Variants in TMEM67 observed in about 807,000 individuals in gnomAD.
TMEM67 encodes the protein transmembrane protein 67.
TMEM67 carries 124 observed loss-of-function variants against 136.6 expected under a neutral mutation model. That is an observed-to-expected ratio of 0.91 (90% CI 0.78 to 1.05). The LOEUF (loss-of-function observed/expected upper bound fraction) is 1.05, where lower values mean the gene tolerates loss of function less well. Ranked by LOEUF, TMEM67 falls within the 50% of genes least tolerant of loss-of-function variation. TMEM67 has a pLI of 0.00. For missense variants in TMEM67, 1,107 were observed against 1,178.4 expected, an observed-to-expected ratio of 0.94 and a Z score of 0.89; for synonymous variants, 364 against 390.5, an observed-to-expected ratio of 0.93 and a Z score of 0.80.
intron 4 of TMEM67, among the ~76,000 whole-genome samples, chr8:93,765,205 T>C (rs1245935451): frequency 6.6e-6 from 1 of 152,214 alleles, no homozygotes; most frequent in Non-Finnish European, 1.5e-5. Flanking sequence ...TATTATTGAT[T>C]AGTTTTACTT....
intron 25 of TMEM67, among the ~76,000 whole-genome samples, chr8:93,809,516 TTATGC>T (rs1359410198): frequency 2.0e-5 from 3 of 152,194 alleles, no homozygotes; most frequent in Non-Finnish European, 2.9e-5. Context: ...AATCCTTGTG[TTATGC>T]TATGATTGTA....
In TMEM67 at chr8:93,793,194, T is replaced by G; in HGVS notation, c.1576-4T>G. 1 of 1,613,268 alleles carries G rather than the reference T, an allele frequency of 6.2e-7. No homozygotes were observed. The highest frequency in any genetic ancestry group is 8.5e-7 in the Non-Finnish European group (1 of 1,179,218). ...AAATTCTCAATTGTTCTTTTGTTTT[T>G]TAGATTGCTTTGGGTGTATTGGGTG... On this transcript the variant is annotated splice_polypyrimidine_tract_variant and splice_region_variant and intron_variant, in intron 15 of 27. Transcript: ENST00000453321.
At chr8:93,786,405 A>G (rs1814105201) in intron 13 of TMEM67, 59 bp downstream of exon 13, 4 of 1,569,206 alleles carry the variant, frequency 2.5e-6, no homozygotes, top group Non-Finnish European at 3.5e-6. Flanking sequence ...AGTGTTTGCC[A>G]GTCATTAGTA....
chr8:93,765,122 T>G (rs1028009932), intron 4 of TMEM67, among the ~76,000 whole-genome samples: 3 of 152,200 alleles, frequency 2.0e-5, no homozygotes, highest in Non-Finnish European at 4.4e-5. Context: ...TCTTGTTAGT[T>G]GAGTGACTTA....
chr8:93,754,894 GAGGCTTCC>G lies in TMEM67; in HGVS notation c.-18_-11del. Reference sequence around the variant, plus strand: ...AGGCTGATGGGGGGCTGGAGGCTGTGAGGCTTCCAGCGTCGGTACCATGGCGACGCGCG... The same window carrying G: ...AGGCTGATGGGGGGCTGGAGGCTGTGAGCGTCGGTACCATGGCGACGCGCG... On this transcript the variant is annotated 5_prime_UTR_variant, in exon 1 of 28. Coordinates refer to ENST00000453321, the MANE Select transcript of TMEM67 (RefSeq NM_153704.6). 1 of 1,608,990 alleles carries G rather than the reference GAGGCTTCC, an allele frequency of 6.2e-7. No individual in the cohort carries two copies. Among genetic ancestry groups the G allele is most frequent in the Non-Finnish European group, 8.5e-7 (1 of 1,176,342 alleles).
Position 93,780,993 on chromosome 8 carries a change from CT to C in TMEM67, c.978+12del. The C allele has an allele frequency of 7.0e-7, 1 of 1,435,756 alleles. No individual in the cohort carries two copies. Among genetic ancestry groups the C allele is most frequent in the African/African-American group, 1.4e-5 (1 of 71,362 alleles). 88.9% of individuals were successfully genotyped at this position (1,435,756 alleles called of 1,614,324 possible). A position where few individuals can be genotyped will look rare whatever the true frequency, so the allele number is the denominator to read the frequency against. ...AAAGGAGAAAACCAGGTAAAAGTGT[CT>C]AATATCATTAGAGGATAACTACATT... On this transcript the variant is annotated intron_variant, in intron 9 of 27. Coordinates refer to ENST00000453321, the MANE Select transcript of TMEM67 (RefSeq NM_153704.6).
the TMEM67 span, among the ~76,000 whole-genome samples, chr8:93,827,579 CTT>C: frequency 5.9e-5 from 8 of 136,442 alleles, no homozygotes; most frequent in African/African-American, 1.4e-4. Context: ...TGTATTTTTT[CTT>C]TTTTTTTTTT....
At position 93,797,425 on chromosome 8, in the gene TMEM67, A is replaced by C; in HGVS notation, c.2055A>C (p.Lys685Asn). ...NEWNEIQTVR[K>N]INSLFQVLTV... The stretch of plus-strand genomic sequence containing the variant: ...GGAATGAAATTCAGACTGTGAGAAA[A>C]ATTAATTCACTCTTTCAAGTACTTA... The change falls in exon 20 of 28, where the codon AAA becomes AAC. Residue 685 changes from lysine (K) to asparagine (N), a missense_variant. By Grantham distance (94) the Lys-to-Asn change is moderately conservative. Transcript: ENST00000453321. 3 of 1,614,006 alleles carry C rather than the reference A, an allele frequency of 1.9e-6. No individual in the cohort carries two copies. In the South Asian group the frequency reaches 3.3e-5, roughly 18 times the overall value.
chr8:93,763,088 A>G (rs1474722544), intron 3 of TMEM67: 1 of 198,370 alleles, frequency 5.0e-6, no homozygotes, highest in East Asian at 2.2e-4. Flanking sequence ...ACACCCAGCT[A>G]ATTTTGTATT....
chr8:93,819,030 C>T, downstream of TMEM67: 1 of 445,400 alleles, frequency 2.2e-6, no homozygotes, highest in South Asian at 1.6e-5. Context: ...GTCTTGAACT[C>T]CTGATCGAGA....
intron 3 of TMEM67, chr8:93,760,000 AT>A (rs1240375810): frequency 2.1e-5 from 32 of 1,496,960 alleles, no homozygotes; most frequent in Non-Finnish European, 2.9e-5. Context: ...ATTTGTGAGT[AT>A]TACTGAGGGA....
intron 3 of TMEM67, chr8:93,763,004 C>T (rs1464425473): frequency 5.1e-6 from 2 of 390,742 alleles, no homozygotes; most frequent in Non-Finnish European, 1.0e-5. Flanking sequence ...CTCACTGCAA[C>T]CTCCACCTAC....
intron 16 of TMEM67, 41 bp from the exon 17 acceptor site, chr8:93,795,368 T>G: frequency 6.6e-7 from 1 of 1,508,194 alleles, no homozygotes; most frequent in Non-Finnish European, 9.2e-7. Context: ...GGTATATACA[T>G]GGAGTCTTAA....
intron 7 of TMEM67, among the ~76,000 whole-genome samples, chr8:93,776,242 A>C (rs763409792): frequency 7.2e-5 from 11 of 152,128 alleles, no homozygotes; most frequent in Admixed American, 2.6e-4. Flanking sequence ...CAGCTTAAGG[A>C]GATTTGGGGC....
chr8:93,831,886 C>T, the TMEM67 span, among the ~76,000 whole-genome samples: 1 of 152,144 alleles, frequency 6.6e-6, no homozygotes, highest in Non-Finnish European at 1.5e-5. Context: ...TCCAAAGCAC[C>T]ATTAACATTA....
intron 27 of TMEM67, among the ~76,000 whole-genome samples, chr8:93,815,681 A>G (rs1353686882): frequency 1.3e-5 from 2 of 152,204 alleles, no homozygotes; most frequent in African/African-American, 4.8e-5. Flanking sequence ...GCTTGATTAT[A>G]CATGGAAGAG....
At chr8:93,829,109 G>A in the TMEM67 span, among the ~76,000 whole-genome samples, 1 of 152,146 alleles carries the variant, frequency 6.6e-6, no homozygotes, top group South Asian at 2.1e-4. Flanking sequence ...ATGTGATGCT[G>A]AGTTGTTGGT....
intron 20 of TMEM67, among the ~76,000 whole-genome samples, chr8:93,798,318 G>C (rs1308405075): frequency 2.0e-5 from 3 of 151,962 alleles, no homozygotes; most frequent in Non-Finnish European, 4.4e-5. Flanking sequence ...GTAACTCCAG[G>C]TATCTATATT....
chr8:93,780,625 T>C lies in TMEM67; in HGVS notation c.747T>C (p.Leu249=). 2 of 1,614,196 alleles carry C rather than the reference T, an allele frequency of 1.2e-6. No homozygotes were observed. Among genetic ancestry groups the C allele is most frequent in the Non-Finnish European group, 8.5e-7 (1 of 1,180,032 alleles). The part of the protein sequence containing the change: ...VYANLTSCQA[L]GNMCVMNMNS... ...CCAATCTAACATCTTGTCAAGCTCTTGGAAATATGTGTGTGATGAACATGA... is the reference window on the plus strand; with the variant it reads ...CCAATCTAACATCTTGTCAAGCTCTCGGAAATATGTGTGTGATGAACATGA... Residue 249 remains leucine, a synonymous_variant, in exon 8 of 28, where the codon CTT becomes CTC. Coordinates refer to ENST00000453321, the MANE Select transcript of TMEM67 (RefSeq NM_153704.6).
Sources: allele counts gnomAD v4.1 joint callset (sites outside exome capture counted in the v4.1 genomes callset), GRCh38; gene constraint gnomAD v4.1.1; transcripts MANE v1.5; gene names NCBI Gene and HGNC (gene_info 2026-07-23, HGNC 2026-07-21).